The following CD109 variants were observed in gnomAD, a reference collection of about 807,000 sequenced individuals.
The protein encoded by CD109 is CD109 antigen.
A neutral mutation model predicts 165.8 loss-of-function variants in CD109; 149 were observed. The observed-to-expected ratio is 0.90, with a 90% CI of 0.79 to 1.03. The LOEUF (loss-of-function observed/expected upper bound fraction) is 1.03. CD109 is among the 50% of genes least tolerant of loss of function. The probability of loss-of-function intolerance (pLI) is 0.00; values close to 1 mark genes in which losing one functional copy is unlikely to be tolerated. For synonymous variants in CD109, 585 were observed against 592.1 expected (o/e 0.99, Z 0.18); for missense variants, 1,712 against 1,677.8 (o/e 1.02, Z -0.36).
At chr6:73,754,896 G>C (rs1002512670) in intron 5 of CD109, among the ~76,000 whole-genome samples, 8 of 152,210 alleles carry the variant, frequency 5.3e-5, no homozygotes, top group Non-Finnish European at 1.2e-4. Context: ...GACTATGTCT[G>C]TCTCCACCAC....
intron 23 of CD109, among the ~76,000 whole-genome samples, chr6:73,797,407 C>T (rs1160403107): frequency 2.0e-5 from 3 of 152,184 alleles, no homozygotes; most frequent in Non-Finnish European, 4.4e-5. Context: ...CACTATATTT[C>T]CTCCATTGAA....
At chr6:73,754,464 T>C (rs899981424) in intron 5 of CD109, among the ~76,000 whole-genome samples, 7 of 152,066 alleles carry the variant, frequency 4.6e-5, no homozygotes, top group Admixed American at 1.3e-4. Flanking sequence ...AAATCCAGGA[T>C]TGATCAGGGA....
chr6:73,787,572 TG>T (rs1269910727), intron 21 of CD109, 120 bp downstream of exon 21: 2 of 657,574 alleles, frequency 3.0e-6, no homozygotes, highest in African/African-American at 3.7e-5. Context: ...TTTACCCTTC[TG>T]GTAATGCCTA....
At chr6:73,772,408 G>A (rs975739487) in intron 15 of CD109, among the ~76,000 whole-genome samples, 8 of 151,300 alleles carry the variant, frequency 5.3e-5, no homozygotes, top group African/African-American at 1.9e-4. Context: ...GGGAGGCTGA[G>A]GCAGGAGAAT....
At position 73,799,859 on chromosome 6, in the gene CD109, T is replaced by A. The variant is rs80209714; in HGVS notation, c.2879-3361T>A. Among the ~76,000 whole-genome samples, 306 of 102,304 alleles carry A rather than the reference T, an allele frequency of 3.0e-3. 1 individual carries two copies. The highest frequency in any genetic ancestry group is 4.4e-3 in the African/African-American group (142 of 32,144). 67.1% of individuals were successfully genotyped at this position (102,304 alleles called of 152,430 possible). On this transcript the variant is annotated intron_variant, in intron 23 of 32. Transcript: ENST00000287097. ...TATGTTTTCTCATTTCCCCCCGCAATTTTTTTTTTTTTTTTAAAGACAGGG... is the reference window on the plus strand; with the variant it reads ...TATGTTTTCTCATTTCCCCCCGCAAATTTTTTTTTTTTTTTAAAGACAGGG...
Position 73,792,703 on chromosome 6 carries a change from A to C in CD109, c.2779A>C (p.Ile927Leu). The C allele has an allele frequency of 1.9e-6, 3 of 1,613,276 alleles. No homozygotes were observed. Among genetic ancestry groups the C allele is most frequent in the Non-Finnish European group, 2.5e-6 (3 of 1,179,892 alleles). The change falls in exon 23 of 33, where the codon ATA (isoleucine) becomes CTA (leucine). Residue 927 changes from isoleucine (I) to leucine (L), a missense_variant. Transcript: ENST00000287097. ...MPYGCGEQNM[I>L]NFAPNIYILD... is the part of the protein sequence containing the mutation. ...TTATGGCTGTGGTGAACAGAACATG[A>C]TAAATTTTGCTCCAAATATTTACAT...
intron 23 of CD109, among the ~76,000 whole-genome samples, chr6:73,793,290 G>T (rs1775039065): frequency 6.6e-6 from 1 of 152,178 alleles, no homozygotes; most frequent in South Asian, 2.1e-4. Context: ...CATTTAAAAT[G>T]ATGAGGAGGA....
intron 4 of CD109, among the ~76,000 whole-genome samples, 182 bp downstream of exon 4, chr6:73,730,756 C>T (rs576455586): frequency 6.6e-6 from 1 of 152,220 alleles, no homozygotes; most frequent in Admixed American, 6.5e-5. Flanking sequence ...AAGAGCTCAG[C>T]CTCTAGAGTC....
rs1431332338 is a variant in CD109, at chr6:73,785,392, T to C, written c.2252T>C (p.Phe751Ser). 2 of 1,607,332 alleles carry C rather than the reference T, an allele frequency of 1.2e-6. No homozygotes were observed. The highest frequency in any genetic ancestry group is 2.2e-5 in the South Asian group (2 of 89,626). The change falls in exon 20 of 33, where the codon TTT (phenylalanine) becomes TCT (serine). Residue 751 changes from phenylalanine to serine, a missense_variant. Physicochemically the swap from Phe to Ser is radical, Grantham distance 155. Transcript: ENST00000287097. ...ELQAFQPFFI[F>S]LNLPYSVIRG... Reference sequence around the variant, plus strand: ...CAAGCCTTCCAACCATTTTTCATTTTTTTGAATCTTCCCTACTCTGTTATC... The same window carrying C: ...CAAGCCTTCCAACCATTTTTCATTTCTTTGAATCTTCCCTACTCTGTTATC...
intron 14 of CD109, among the ~76,000 whole-genome samples, chr6:73,769,962 A>G (rs1773978164): frequency 6.6e-6 from 1 of 152,242 alleles, no homozygotes; most frequent in Admixed American, 6.5e-5. Context: ...GAGAGATGAT[A>G]AACTCAACTC....
intron 5 of CD109, among the ~76,000 whole-genome samples, chr6:73,742,218 A>C (rs1254605146): frequency 7.4e-6 from 1 of 134,698 alleles, no homozygotes; most frequent in Admixed American, 8.2e-5. Context: ...TGTACATTCT[A>C]TCTCTGTGGT....
chr6:73,790,040 T>C (rs1774863191), intron 22 of CD109, among the ~76,000 whole-genome samples: 2 of 151,330 alleles, frequency 1.3e-5, no homozygotes, highest in South Asian at 4.2e-4. Context: ...CAGCCTTTCT[T>C]AGCAATTTGG....
rs1445086670 is a variant in CD109, at chr6:73,825,206, G to A, written c.*1573G>A. 2.6e-5 allele frequency: 4 copies of A among 152,178 alleles called. No homozygotes were observed. The highest frequency in any genetic ancestry group is 4.1e-4 in the South Asian group (2 of 4,832). The allele number at this position is 152,178 out of a possible 1,614,324, so 9.4% of individuals were successfully genotyped here. ...TCAGTATTTTAAAGCTGGCAAACCT[G>A]TACATAGAAAATAGATCCCCAGACA... On this transcript the variant is annotated 3_prime_UTR_variant, in exon 33 of 33. Transcript: ENST00000287097.
chr6:73,772,409 G>A (rs1774069612), intron 15 of CD109, among the ~76,000 whole-genome samples: 3 of 151,198 alleles, frequency 2.0e-5, no homozygotes, highest in African/African-American at 7.3e-5. Context: ...GGAGGCTGAG[G>A]CAGGAGAATG....
intron 20 of CD109, among the ~76,000 whole-genome samples, chr6:73,786,477 T>G (rs1472396537): frequency 6.6e-6 from 1 of 152,098 alleles, no homozygotes; most frequent in Non-Finnish European, 1.5e-5. Context: ...AATTTTACTT[T>G]TTAACCCAGT....
intron 32 of CD109, among the ~76,000 whole-genome samples, chr6:73,822,943 C>T (rs904149873): frequency 8.5e-5 from 13 of 152,252 alleles, no homozygotes; most frequent in African/African-American, 2.9e-4. Context: ...TTGTCATGTT[C>T]GCTTTTAGAT....
chr6:73,813,402 G>C (rs76950190), intron 29 of CD109, among the ~76,000 whole-genome samples: 3,610 of 152,206 alleles, frequency 0.024, 162 homozygotes, highest in African/African-American at 0.082. Flanking sequence ...AGAGAAATTA[G>C]TGAAACCAAG....
chr6:73,758,114 T>C (rs539822315), intron 6 of CD109, among the ~76,000 whole-genome samples: 1 of 152,244 alleles, frequency 6.6e-6, no homozygotes, highest in South Asian at 2.1e-4. Context: ...TAGACTGATC[T>C]AGAGTCTAGG....
Position 73,771,442 on chromosome 6 carries a change from G to T in CD109, c.1688G>T (p.Trp563Leu). 1 of 1,604,274 alleles carries T rather than the reference G, an allele frequency of 6.2e-7. No individual in the cohort carries two copies. Among genetic ancestry groups the T allele is most frequent in the Non-Finnish European group, 8.5e-7 (1 of 1,176,738 alleles). ...TCTCTTTTTTAGATAAAGCTATATT[G>T]GAGTAAAGTGAAAGCTGAACCATCT... Reference protein sequence around the residue: ...LVFKNKIKLYWSKVKAEPSEK... With the variant: ...LVFKNKIKLYLSKVKAEPSEK... Residue 563 changes from tryptophan (W) to leucine (L), a missense_variant, in exon 15 of 33, where the codon TGG (tryptophan) becomes TTG (leucine). Trp to Leu is a moderately conservative substitution (Grantham distance 61). Coordinates refer to ENST00000287097, the MANE Select transcript of CD109 (RefSeq NM_133493.5).
Sources: gnomAD v4.1 joint callset for allele counts (sites outside exome capture counted in the v4.1 genomes callset) on GRCh38, gnomAD v4.1.1 for gene constraint, MANE v1.5 for transcripts, NCBI Gene and HGNC (gene_info 2026-07-23, HGNC 2026-07-21) for gene names.